Variants in ZNF709 observed in about 807,000 individuals in gnomAD.
ZNF709 encodes zinc finger protein 709.
ZNF709 carries 15 observed loss-of-function variants against 10.6 expected under a neutral mutation model. The observed-to-expected ratio is 1.41, with a 90% CI of 0.95 to 2.18. The LOEUF (loss-of-function observed/expected upper bound fraction) is 2.18, where lower values mean the gene tolerates loss of function less well. Among genes scored for constraint, ZNF709 ranks in the 30% most tolerant of loss-of-function variants. ZNF709 has a pLI of 0.00. For synonymous variants in ZNF709, 194 were observed against 238.8 expected (o/e 0.81, Z 1.73); for missense variants, 589 against 774.0 (o/e 0.76, Z 2.84).
intron 1 of ZNF709, 60 bp downstream of exon 1, chr19:12,484,594 TC>T: frequency 1.9e-6 from 3 of 1,600,520 alleles, no homozygotes; most frequent in Non-Finnish European, 2.6e-6. Flanking sequence ...CACAGCCAGA[TC>T]CGGCCGGTTT....
chr19:12,468,591 G>T (rs1970605236), intron 1 of ZNF709, among the ~76,000 whole-genome samples: 1 of 148,584 alleles, frequency 6.7e-6, no homozygotes, highest in African/African-American at 2.5e-5. Context: ...AGGAAAACCA[G>T]AGACCTTTGT....
At chr19:12,482,404 C>T (rs985916609) in intron 1 of ZNF709, among the ~76,000 whole-genome samples, 7 of 151,928 alleles carry the variant, frequency 4.6e-5, no homozygotes, top group Non-Finnish European at 1.0e-4. Context: ...GGAATGAACT[C>T]AGCGAGCTCC....
In ZNF709 at chr19:12,464,413, G is replaced by A; in HGVS notation, c.1509C>T (p.Pro503=). The A allele has an allele frequency of 6.2e-7, 1 of 1,611,822 alleles. No individual in the cohort carries two copies. The highest frequency in any genetic ancestry group is 8.5e-7 in the Non-Finnish European group (1 of 1,179,176). The change falls in exon 4 of 4, where the codon CCC becomes CCT. Residue 503 remains proline, a synonymous_variant. Transcript: ENST00000397732. The part of the protein sequence containing the change: ...MHERTHTGEK[P]YECKQCGKAF... ...CTTTACCACATTGTTTACATTCATA[G>A]GGTTTCTCTCCAGTGTGAGTCCTTT...
In ZNF709 at chr19:12,463,914, G is replaced by A. The variant is rs552173834; in HGVS notation, c.*82C>T. Reference sequence around the variant, plus strand: ...TGCACTCCAGCCAGGGCAACAGAGTGAGAATTCAACTCAAAAAAAAAAAAA... The same window carrying A: ...TGCACTCCAGCCAGGGCAACAGAGTAAGAATTCAACTCAAAAAAAAAAAAA... On this transcript the variant is annotated 3_prime_UTR_variant, in exon 4 of 4. Transcript: ENST00000397732. The A allele has an allele frequency of 6.1e-4, 728 of 1,194,822 alleles. 1 individual carries two copies. The highest frequency in any genetic ancestry group is 7.6e-4 in the Non-Finnish European group (697 of 919,256). 74.0% of individuals were successfully genotyped at this position (1,194,822 alleles called of 1,614,324 possible). A position where few individuals can be genotyped will look rare whatever the true frequency, so the allele number is the denominator to read the frequency against.
rs1440412485 is a variant in ZNF709, at chr19:12,465,424, T to C, written c.498A>G (p.Lys166=). ...RIHERTHTGE[K]PYKCKQCGKA... ...TACCACACTGTTTACATTTATAGGG[T>C]TTCTCTCCAGTGTGAGTTCTTTCAT... Residue 166 remains lysine (K), a synonymous_variant, in exon 4 of 4, where the codon AAA becomes AAG. Coordinates refer to ENST00000397732, the MANE Select transcript of ZNF709 (RefSeq NM_152601.4). 3 of 1,613,286 alleles carry C rather than the reference T, an allele frequency of 1.9e-6. No individual in the cohort carries two copies. Among genetic ancestry groups the C allele is most frequent in the African/African-American group, 1.3e-5 (1 of 74,866 alleles).
intron 1 of ZNF709, among the ~76,000 whole-genome samples, chr19:12,473,873 T>A (rs554266131): frequency 6.6e-6 from 1 of 152,162 alleles, no homozygotes; most frequent in South Asian, 2.1e-4. Context: ...TGAGATCACA[T>A]CTCTAGAAAA....
At position 12,463,176 on chromosome 19, in the gene ZNF709, TTTG is replaced by T; in HGVS notation, c.*817_*819del. 1 of 152,202 alleles carries T rather than the reference TTTG, an allele frequency of 6.6e-6. No homozygotes were observed. Among genetic ancestry groups the T allele is most frequent in the Non-Finnish European group, 1.5e-5 (1 of 68,018 alleles). The allele number at this position is 152,202 out of a possible 1,614,324, so 9.4% of individuals were successfully genotyped here. A position where few individuals can be genotyped will look rare whatever the true frequency, so the allele number is the denominator to read the frequency against. On this transcript the variant is annotated 3_prime_UTR_variant, in exon 4 of 4. Transcript: ENST00000397732. ...CACATAAGGGAGTATCACATGAGCA[TTTG>T]TTAAAATGGAAAACATTGCTATATC... is the stretch of plus-strand genomic sequence containing the variant.
intron 1 of ZNF709, among the ~76,000 whole-genome samples, chr19:12,480,471 CAGG>C (rs1237636899): frequency 6.6e-6 from 1 of 152,082 alleles, no homozygotes; most frequent in Non-Finnish European, 1.5e-5. Context: ...ATCATGAGGT[CAGG>C]AGATCAAGAC....
chr19:12,476,692 A>G (rs1003586905), intron 1 of ZNF709, among the ~76,000 whole-genome samples: 2 of 152,246 alleles, frequency 1.3e-5, no homozygotes, highest in African/African-American at 4.8e-5. Context: ...CCAGAACATC[A>G]AAAGAACCTA....
In ZNF709 at chr19:12,464,507, C is replaced by A; in HGVS notation, c.1415G>T (p.Gly472Val). 1 of 1,613,308 alleles carries A rather than the reference C, an allele frequency of 6.2e-7. No individual in the cohort carries two copies. The highest frequency in any genetic ancestry group is 1.1e-5 in the South Asian group (1 of 90,954). Residue 472 changes from glycine (G) to valine (V), a missense_variant, in exon 4 of 4, where the codon GGA becomes GTA. By Grantham distance (109) the Gly-to-Val change is moderately radical. Transcript: ENST00000397732. ...CTGTTTACATTCATAGGGTTTCTCT[C>A]CAGTGTGAATTCTTTCATGCATTCG... ...SFRMHERIHT[G>V]EKPYECKQCG...
In ZNF709 at chr19:12,483,328, T is replaced by A. The variant is rs112776294; in HGVS notation, c.3+1327A>T. 7.1e-3 allele frequency among the ~76,000 whole-genome samples: 950 copies of A among 134,576 alleles called. 5 individuals are homozygous for A. The East Asian group carries it at 0.072, about 10-fold the overall frequency. 88.3% of individuals were successfully genotyped at this position (134,576 alleles called of 152,430 possible). ...GCTAATTTTTTTTTTTTTTTTTTTTTTTTCTAGTAGAGATGAGGTCTCTCT... is the reference window on the plus strand; with the variant it reads ...GCTAATTTTTTTTTTTTTTTTTTTTATTTCTAGTAGAGATGAGGTCTCTCT... On this transcript the variant is annotated intron_variant, in intron 1 of 3. Transcript: ENST00000397732.
rs1185788616 is a variant in ZNF709 at position 12,482,146 on chromosome 19, CACACACACAA to C, written c.3+2499_3+2508del. ...AGAACCCACCTCTAAAATACACACA[CACACACACAA>C]ACACACACACACACACACACACACA... On this transcript the variant is annotated intron_variant, in intron 1 of 3. Coordinates refer to ENST00000397732, the MANE Select transcript of ZNF709 (RefSeq NM_152601.4). 2.4e-3 allele frequency among the ~76,000 whole-genome samples: 337 copies of C among 141,176 alleles called. 3 individuals are homozygous for C. Among genetic ancestry groups the C allele is most frequent in the African/African-American group, 4.2e-3 (155 of 37,276 alleles). The allele number at this position is 141,176 out of a possible 152,430, so 92.6% of individuals were successfully genotyped here.
Position 12,463,926 on chromosome 19 carries a change from CAAA to C in ZNF709, c.*67_*69del, listed in dbSNP as rs60000717. 197,908 of 893,578 alleles carry C rather than the reference CAAA, an allele frequency of 0.22. 3,909 individuals are homozygous for C. The highest frequency in any genetic ancestry group is 0.32 in the African/African-American group (13,854 of 43,066). The allele number at this position is 893,578 out of a possible 1,614,324, so 55.4% of individuals were successfully genotyped here. ...AGGGCAACAGAGTGAGAATTCAACT[CAAA>C]AAAAAAAAAAAAAAAAAAGGAAATA... On this transcript the variant is annotated 3_prime_UTR_variant, in exon 4 of 4. Transcript: ENST00000397732.
intron 1 of ZNF709, among the ~76,000 whole-genome samples, chr19:12,474,753 A>T (rs990163776): frequency 2.0e-5 from 3 of 152,224 alleles, no homozygotes; most frequent in African/African-American, 7.2e-5. Context: ...GGGACAATAC[A>T]TTCAAAGTGT....
chr19:12,481,677 T>C (rs1201378704), intron 1 of ZNF709, among the ~76,000 whole-genome samples: 1 of 151,836 alleles, frequency 6.6e-6, no homozygotes, highest in Non-Finnish European at 1.5e-5. Context: ...ATTCAGCTGC[T>C]GTAATAGTCA....
intron 1 of ZNF709, among the ~76,000 whole-genome samples, chr19:12,483,307 A>ATTTTT (rs35777030): frequency 3.2e-5 from 3 of 95,232 alleles, no homozygotes; most frequent in South Asian, 3.1e-4. Context: ...CGCCCAGCTA[A>ATTTTT]TTTTTTTTTT....
At position 12,466,620 on chromosome 19, in the gene ZNF709, T is replaced by C. The variant is rs1970573323; in HGVS notation, c.131-101A>G. 7 of 1,604,212 alleles carry C rather than the reference T, an allele frequency of 4.4e-6. No individual in the cohort carries two copies. The South Asian group carries it at 7.7e-5, about 18-fold the overall frequency. On this transcript the variant is annotated intron_variant, in intron 2 of 3. Transcript: ENST00000397732. ...GAGCTGTTATCCTGTCTGATTTATT[T>C]ACCAAAGTATTCCCTTTCAACATTC...
At chr19:12,467,206 T>C (rs1009443497) in intron 1 of ZNF709, among the ~76,000 whole-genome samples, 8 of 152,248 alleles carry the variant, frequency 5.3e-5, no homozygotes, top group Non-Finnish European at 1.2e-4. Flanking sequence ...TGGACTGTAC[T>C]GCTGCCATCT....
intron 1 of ZNF709, among the ~76,000 whole-genome samples, chr19:12,468,826 C>T (rs190427986): frequency 6.6e-6 from 1 of 151,940 alleles, no homozygotes; most frequent in African/African-American, 2.4e-5. Flanking sequence ...CCATGAAACA[C>T]AGGGTCAAAT....
Sources: allele counts gnomAD v4.1 joint callset (sites outside exome capture counted in the v4.1 genomes callset), GRCh38; gene constraint gnomAD v4.1.1; transcripts MANE v1.5; gene names NCBI Gene and HGNC (gene_info 2026-07-23, HGNC 2026-07-21).